SLC35G2: variants seen among roughly 807,000 people sequenced by gnomAD.
SLC35G2 encodes the protein solute carrier family 35 member G2.
Under a neutral mutation model 27.2 loss-of-function variants are expected in SLC35G2, and 20 were observed. The observed-to-expected ratio is 0.74, with a 90% CI of 0.52 to 1.07. SLC35G2 has a LOEUF of 1.07. SLC35G2 is among the 50% of genes least tolerant of loss of function. SLC35G2 has a pLI of 0.00. For missense variants in SLC35G2, 416 were observed against 493.3 expected (o/e 0.84, Z 1.48); for synonymous variants, 148 against 165.3 (o/e 0.90, Z 0.80).
chr3:136,844,861 G>GA (rs1937301682), intron 1 of SLC35G2, among the ~76,000 whole-genome samples: 1 of 149,690 alleles, frequency 6.7e-6, no homozygotes, highest in Non-Finnish European at 1.5e-5. Context: ...ACATTCAATG[G>GA]AAAAACTTCA....
At chr3:136,841,450 C>T (rs1208025528) in intron 1 of SLC35G2, among the ~76,000 whole-genome samples, 2 of 152,000 alleles carry the variant, frequency 1.3e-5, no homozygotes, top group African/African-American at 2.4e-5. Context: ...AGAGTCCAGC[C>T]GGACATGGTG....
At chr3:136,824,894 A>AC (rs1038288687) in intron 1 of SLC35G2, among the ~76,000 whole-genome samples, 6 of 151,874 alleles carry the variant, frequency 4.0e-5, no homozygotes, top group Non-Finnish European at 7.4e-5. Context: ...TGTTATCCCT[A>AC]CCCCAGCCCC....
chr3:136,831,305 G>C (rs1443733006), intron 1 of SLC35G2, among the ~76,000 whole-genome samples: 1 of 152,214 alleles, frequency 6.6e-6, no homozygotes, highest in Non-Finnish European at 1.5e-5. Context: ...CAACTAATTA[G>C]ATCCAGAATT....
chr3:136,844,289 A>T (rs976348633), intron 1 of SLC35G2, among the ~76,000 whole-genome samples: 1 of 151,766 alleles, frequency 6.6e-6, no homozygotes, highest in African/African-American at 2.4e-5. Flanking sequence ...GGAGATCGAG[A>T]CCATCCTGGC....
chr3:136,844,797 C>CAAAA (rs58243269), intron 1 of SLC35G2, among the ~76,000 whole-genome samples: 5 of 35,770 alleles, frequency 1.4e-4, no homozygotes, highest in Non-Finnish European at 2.3e-4. Context: ...CTCTCTGTCT[C>CAAAA]AAAAAAAAAA....
intron 1 of SLC35G2, among the ~76,000 whole-genome samples, chr3:136,854,092 GTTA>G (rs1365016745): frequency 6.6e-6 from 1 of 152,156 alleles, no homozygotes; most frequent in Non-Finnish European, 1.5e-5. Flanking sequence ...TTTGACCTAA[GTTA>G]TTATTTATCT....
At chr3:136,831,562 G>T (rs1003586180) in intron 1 of SLC35G2, among the ~76,000 whole-genome samples, 1 of 152,188 alleles carries the variant, frequency 6.6e-6, no homozygotes, top group Non-Finnish European at 1.5e-5. Context: ...AAGTGTTCTA[G>T]AATCCAGAGA....
In SLC35G2 at chr3:136,819,379, G is replaced by A. The variant is rs755438709; in HGVS notation, c.-268G>A. On this transcript the variant is annotated 5_prime_UTR_variant, in exon 1 of 2. Transcript: ENST00000446465. The stretch of plus-strand genomic sequence containing the variant: ...GTCTTTTTGGGTAAGGGCCGGGCTG[G>A]GGGCGACGCGCCCCGCCCGCTTTGC... 2.6e-5 allele frequency: 4 copies of A among 152,402 alleles called. No homozygotes were observed. The highest frequency in any genetic ancestry group is 5.9e-5 in the Non-Finnish European group (4 of 68,190). 9.4% of individuals were successfully genotyped at this position (152,402 alleles called of 1,614,324 possible).
chr3:136,854,038 C>G (rs536840869), intron 1 of SLC35G2, among the ~76,000 whole-genome samples: 5 of 152,098 alleles, frequency 3.3e-5, no homozygotes, highest in Non-Finnish European at 5.9e-5. Context: ...TTGGACTTAA[C>G]TAATAATTTA....
chr3:136,842,733 C>T (rs1326017659), intron 1 of SLC35G2: 1 of 152,204 alleles, frequency 6.6e-6, no homozygotes, highest in Non-Finnish European at 1.5e-5. Context: ...GTTTAATCAA[C>T]TTTTATTAAA....
At chr3:136,830,598 T>C (rs1048678439) in intron 1 of SLC35G2, among the ~76,000 whole-genome samples, 1 of 152,140 alleles carries the variant, frequency 6.6e-6, no homozygotes, top group African/African-American at 2.4e-5. Flanking sequence ...TTTGTATTTT[T>C]AGTAGAGATG....
chr3:136,837,654 C>T (rs74982846), intron 1 of SLC35G2: 1 of 152,188 alleles, frequency 6.6e-6, no homozygotes, highest in East Asian at 1.9e-4. Flanking sequence ...TAACCAGCAT[C>T]CCATTAATGA....
intron 1 of SLC35G2, among the ~76,000 whole-genome samples, chr3:136,828,515 G>A (rs1936645460): frequency 6.6e-6 from 1 of 152,046 alleles, no homozygotes; most frequent in South Asian, 2.1e-4. Context: ...TACAGTTTTT[G>A]TCTTGAAATC....
intron 1 of SLC35G2, among the ~76,000 whole-genome samples, chr3:136,836,751 C>T (rs1180573802): frequency 6.6e-6 from 1 of 152,124 alleles, no homozygotes; most frequent in Non-Finnish European, 1.5e-5. Context: ...GCCAGCACCA[C>T]CAGTGCTATA....
intron 1 of SLC35G2, among the ~76,000 whole-genome samples, chr3:136,833,069 CAAAA>C (rs56357764): frequency 0.67 from 76,594 of 114,394 alleles, 22,839 homozygotes; most frequent in East Asian, 0.83. Flanking sequence ...GACTCTGTCT[CAAAA>C]AAAAAAAAAA....
intron 1 of SLC35G2, among the ~76,000 whole-genome samples, chr3:136,829,940 G>A (rs903985761): frequency 6.6e-6 from 1 of 151,860 alleles, no homozygotes; most frequent in Non-Finnish European, 1.5e-5. Flanking sequence ...TAGCCTTCTT[G>A]TACTTGAACG....
chr3:136,840,690 C>T (rs1209796940), intron 1 of SLC35G2, among the ~76,000 whole-genome samples: 1 of 151,676 alleles, frequency 6.6e-6, no homozygotes, highest in African/African-American at 2.4e-5. Context: ...GTGGCGTGAT[C>T]TTGGCTCACT....
At chr3:136,830,940 T>C (rs541994584) in intron 1 of SLC35G2, among the ~76,000 whole-genome samples, 3 of 152,348 alleles carry the variant, frequency 2.0e-5, no homozygotes, top group Admixed American at 6.5e-5. Flanking sequence ...TTACTAAATT[T>C]TGTTTAATCA....
chr3:136,843,441 C>G (rs560744015), intron 1 of SLC35G2: 1 of 149,882 alleles, frequency 6.7e-6, no homozygotes, highest in South Asian at 2.1e-4. Flanking sequence ...GCCAGGAGTT[C>G]GAGACCAGCT....
Sources: allele counts gnomAD v4.1 joint callset (sites outside exome capture counted in the v4.1 genomes callset), GRCh38; gene constraint gnomAD v4.1.1; transcripts MANE v1.5; gene names NCBI Gene and HGNC (gene_info 2026-07-23, HGNC 2026-07-21).